TAFA1: variants seen among roughly 807,000 people sequenced by gnomAD.
TAFA1 encodes chemokine-like protein TAFA-1.
A neutral mutation model predicts 18.5 loss-of-function variants in TAFA1; 4 were observed. The ratio of observed to expected loss-of-function variants is 0.22; its 90% confidence interval spans 0.11 to 0.49. The LOEUF is 0.49. Ranked by LOEUF, TAFA1 falls within the 20% of genes least tolerant of loss-of-function variation. The probability of loss-of-function intolerance (pLI) is 0.98; values close to 1 mark genes in which losing one functional copy is unlikely to be tolerated. For missense variants in TAFA1, 147 were observed against 169.0 expected (o/e 0.87, Z 0.72); for synonymous variants, 56 against 55.2 (o/e 1.01, Z -0.06).
At chr3:68,473,061 T>C (rs1272310442) in intron 3 of TAFA1, among the ~76,000 whole-genome samples, 1 of 152,198 alleles carries the variant, frequency 6.6e-6, no homozygotes, top group African/African-American at 2.4e-5. Flanking sequence ...TGATCCCAGC[T>C]GCTTTCAAGA....
At chr3:68,135,977 AG>A (rs2106891668) in intron 2 of TAFA1, among the ~76,000 whole-genome samples, 1 of 152,320 alleles carries the variant, frequency 6.6e-6, no homozygotes, top group South Asian at 2.1e-4. Context: ...ATGCTTAAGT[AG>A]TTCTCAGCCA....
At chr3:68,438,248 C>G (rs2071300784) in intron 3 of TAFA1, among the ~76,000 whole-genome samples, 1 of 152,048 alleles carries the variant, frequency 6.6e-6, no homozygotes, top group South Asian at 2.1e-4. Context: ...GCCCCAACTA[C>G]TTGGGAGGCT....
intron 3 of TAFA1, among the ~76,000 whole-genome samples, chr3:68,476,586 T>G (rs2072100826): frequency 6.6e-6 from 1 of 152,202 alleles, no homozygotes; most frequent in African/African-American, 2.4e-5. Context: ...ATTGTCATTT[T>G]TCAAGTTGAC....
intron 2 of TAFA1, among the ~76,000 whole-genome samples, chr3:68,157,267 A>C (rs969644277): frequency 6.6e-6 from 1 of 152,224 alleles, no homozygotes; most frequent in Non-Finnish European, 1.5e-5. Flanking sequence ...GGTCAATGTT[A>C]AGTGGCAGGT....
intron 2 of TAFA1, among the ~76,000 whole-genome samples, chr3:68,287,907 T>TGGGGGGGGGGGGGGGG (rs35069967): frequency 1.9e-5 from 1 of 51,996 alleles, no homozygotes; most frequent in Non-Finnish European, 4.5e-5. Context: ...TTGTTTTTGT[T>TGGGGGGGGGGGGGGGG]GGGGGGTGGG....
At chr3:68,235,736 A>G (rs2066920652) in intron 2 of TAFA1, among the ~76,000 whole-genome samples, 1 of 152,176 alleles carries the variant, frequency 6.6e-6, no homozygotes, top group Non-Finnish European at 1.5e-5. Context: ...GAACCTTGGT[A>G]CATATATTGG....
At chr3:68,212,726 T>G (rs1009501368) in intron 2 of TAFA1, among the ~76,000 whole-genome samples, 11 of 152,038 alleles carry the variant, frequency 7.2e-5, no homozygotes, top group Non-Finnish European at 1.5e-4. Context: ...TTTTTAAAAG[T>G]ATGTCTAAAT....
At chr3:68,246,399 G>T (rs1006610108) in intron 2 of TAFA1, among the ~76,000 whole-genome samples, 3 of 151,662 alleles carry the variant, frequency 2.0e-5, no homozygotes, top group Non-Finnish European at 4.4e-5. Flanking sequence ...GACCATCCTG[G>T]CTAACACGGT....
chr3:68,016,081 A>G (rs1575574946), intron 2 of TAFA1, among the ~76,000 whole-genome samples: 3 of 152,282 alleles, frequency 2.0e-5, no homozygotes, highest in Non-Finnish European at 4.4e-5. Context: ...ATAAATTAGT[A>G]GTGGTTTAGT....
intron 2 of TAFA1, among the ~76,000 whole-genome samples, chr3:68,238,689 TAA>T (rs1243368357): frequency 6.6e-6 from 1 of 152,182 alleles, no homozygotes; most frequent in Non-Finnish European, 1.5e-5. Context: ...GGCTGATGAT[TAA>T]AAGTTTTGTA....
At chr3:68,156,761 G>A (rs754690705) in intron 2 of TAFA1, among the ~76,000 whole-genome samples, 2 of 97,584 alleles carry the variant, frequency 2.0e-5, no homozygotes, top group Non-Finnish European at 4.6e-5. Flanking sequence ...TACTGAGTAT[G>A]TGTTCTGTGC....
chr3:67,998,630 G>A, the TAFA1 span, among the ~76,000 whole-genome samples: 15 of 152,298 alleles, frequency 9.8e-5, no homozygotes, highest in South Asian at 1.0e-3. Context: ...CAAAACAATC[G>A]TTTCTCTTGT....
At chr3:68,402,566 A>G (rs1414843671) in intron 2 of TAFA1, among the ~76,000 whole-genome samples, 2 of 152,210 alleles carry the variant, frequency 1.3e-5, no homozygotes, top group Admixed American at 1.3e-4. Context: ...ACAATGTGCA[A>G]CACAAATCAG....
intron 2 of TAFA1, among the ~76,000 whole-genome samples, chr3:68,081,352 G>A (rs2064897002): frequency 6.6e-6 from 1 of 152,114 alleles, no homozygotes; most frequent in African/African-American, 2.4e-5. Flanking sequence ...TCCGTTGCTG[G>A]TGAGGACCTG....
At chr3:68,203,032 T>C (rs951199355) in intron 2 of TAFA1, among the ~76,000 whole-genome samples, 1 of 151,768 alleles carries the variant, frequency 6.6e-6, no homozygotes, top group Non-Finnish European at 1.5e-5. Flanking sequence ...AGAAAAACTT[T>C]ATTTCTTCTT....
intron 2 of TAFA1, among the ~76,000 whole-genome samples, chr3:68,401,928 A>G (rs1305109104): frequency 6.6e-6 from 1 of 152,208 alleles, no homozygotes; most frequent in African/African-American, 2.4e-5. Flanking sequence ...GGTGTCTGCT[A>G]CAGAGTAGAA....
chr3:68,343,510 T>C (rs566982332), intron 2 of TAFA1, among the ~76,000 whole-genome samples: 2 of 152,258 alleles, frequency 1.3e-5, no homozygotes, highest in East Asian at 3.9e-4. Flanking sequence ...AAAGTACAGA[T>C]TGGCTTAAGT....
Position 68,544,513 on chromosome 3 carries a change from T to C in TAFA1, c.*10T>C. 1 of 1,612,374 alleles carries C rather than the reference T, an allele frequency of 6.2e-7. No individual in the cohort carries two copies. The highest frequency in any genetic ancestry group is 2.2e-5 in the East Asian group (1 of 44,814). Reference sequence around the variant, plus strand: ...TCACCCAAGAACCTAACAGAAGCATTTGTGGTAGTAAAGGAAAACCAACCC... The same window carrying C: ...TCACCCAAGAACCTAACAGAAGCATCTGTGGTAGTAAAGGAAAACCAACCC... On this transcript the variant is annotated 3_prime_UTR_variant, in exon 5 of 5. Transcript: ENST00000478136.
At chr3:68,092,730 C>T (rs2065043828) in intron 2 of TAFA1, among the ~76,000 whole-genome samples, 1 of 152,088 alleles carries the variant, frequency 6.6e-6, no homozygotes, top group Non-Finnish European at 1.5e-5. Flanking sequence ...AACAGAAACT[C>T]CTAATATCTG....
Sources: allele counts gnomAD v4.1 joint callset (sites outside exome capture counted in the v4.1 genomes callset), GRCh38; gene constraint gnomAD v4.1.1; transcripts MANE v1.5; gene names NCBI Gene and HGNC (gene_info 2026-07-23, HGNC 2026-07-21).